ZNF536: variants seen among roughly 807,000 people sequenced by gnomAD.
ZNF536 encodes the protein zinc finger protein 536.
Under a neutral mutation model 84.5 loss-of-function variants are expected in ZNF536, and 13 were observed. That is an observed-to-expected ratio of 0.15 (90% CI 0.10 to 0.24). The LOEUF is 0.24. Among genes scored for constraint, ZNF536 ranks in the 10% least tolerant of loss-of-function variants. The pLI is 1.00. For missense variants in ZNF536, 1,536 were observed against 1,747.5 expected (o/e 0.88, Z 2.16); for synonymous variants, 811 against 742.5 (o/e 1.09, Z -1.50).
chr19:30,279,226 C>G (rs1056255146), intron 1 of ZNF536, among the ~76,000 whole-genome samples: 3 of 152,226 alleles, frequency 2.0e-5, no homozygotes, highest in African/African-American at 7.2e-5. Flanking sequence ...TTGTTATTTG[C>G]TGGCATATTT....
rs1479767837 is a variant in ZNF536 at position 30,443,616 on chromosome 19, G to A, written c.54G>A (p.Glu18=). The stretch of plus-strand genomic sequence containing the variant: ...TGTCTTCGGCGGAGCCGGAAGCTGA[G>A]CCCCACCTGAGTGGCCCCGTCCTCA... ...LGVSSAEPEA[E]PHLSGPVLNG... The change falls in exon 2 of 5, where the codon GAG becomes GAA. Residue 18 remains glutamate, a synonymous_variant. Coordinates refer to ENST00000355537, the MANE Select transcript of ZNF536 (RefSeq NM_014717.3). 5 of 1,599,534 alleles carry A rather than the reference G, an allele frequency of 3.1e-6. No homozygotes were observed. The East Asian group carries it at 8.9e-5, about 29-fold the overall frequency.
rs539306887 is a variant in ZNF536, at chr19:30,338,360, C to T, written c.-119-14008C>T. On this transcript the variant is annotated intron_variant, in intron 2 of 5. Coordinates refer to the ZNF536 transcript ENST00000585628. ...TTGATAGTAATGATGGTGGTGATGGCGATGATGGTGATAATAATGGTGGTG... is the reference window on the plus strand; with the variant it reads ...TTGATAGTAATGATGGTGGTGATGGTGATGATGGTGATAATAATGGTGGTG... Among the ~76,000 whole-genome samples the T allele has an allele frequency of 9.3e-5, 13 of 139,692 alleles. No individual in the cohort carries two copies. In the East Asian group the frequency reaches 1.3e-3, roughly 14 times the overall value. The allele number at this position is 139,692 out of a possible 152,430, so 91.6% of individuals were successfully genotyped here.
chr19:30,684,851 C>T (rs1040715293), intron 1 of ZNF536, among the ~76,000 whole-genome samples: 7 of 152,188 alleles, frequency 4.6e-5, no homozygotes, highest in African/African-American at 1.7e-4. Flanking sequence ...CAGCCAAGGG[C>T]CCTTACCAAG....
At chr19:30,429,532 C>T (rs1169028338) in intron 1 of ZNF536, among the ~76,000 whole-genome samples, 1 of 152,138 alleles carries the variant, frequency 6.6e-6, no homozygotes, top group African/African-American at 2.4e-5. Context: ...CTCCTCTGCA[C>T]CAGGCACTAA....
At chr19:30,589,708 G>A (rs1405173058) in intron 1 of ZNF536, among the ~76,000 whole-genome samples, 1 of 152,162 alleles carries the variant, frequency 6.6e-6, no homozygotes, top group Admixed American at 6.5e-5. Flanking sequence ...GCTGGGCTTA[G>A]AGTCCACCCA....
At chr19:30,404,817 C>T (rs921361667) in intron 1 of ZNF536, among the ~76,000 whole-genome samples, 2 of 152,164 alleles carry the variant, frequency 1.3e-5, no homozygotes, top group African/African-American at 4.8e-5. Flanking sequence ...CCAGAGATCC[C>T]ACAGGTTGCG....
chr19:30,516,308 C>T (rs2145619784), intron 2 of ZNF536, among the ~76,000 whole-genome samples: 1 of 152,180 alleles, frequency 6.6e-6, no homozygotes, highest in East Asian at 1.9e-4. Context: ...TCTCCCTGCA[C>T]GGACCAGCCG....
chr19:30,384,748 C>A (rs901712572), intron 1 of ZNF536, among the ~76,000 whole-genome samples: 4 of 152,098 alleles, frequency 2.6e-5, no homozygotes, highest in Non-Finnish European at 5.9e-5. Flanking sequence ...TGTGTTCAGC[C>A]AGGCATGGTG....
At chr19:30,534,698 A>G (rs1047824718) in intron 2 of ZNF536, 149 bp from the exon 3 acceptor site, 2 of 818,922 alleles carry the variant, frequency 2.4e-6, no homozygotes, top group Admixed American at 5.8e-5. Flanking sequence ...AAGAAAATAC[A>G]TGAATTGTCA....
chr19:30,454,020 T>G (rs1358703701), intron 2 of ZNF536, among the ~76,000 whole-genome samples: 1 of 152,266 alleles, frequency 6.6e-6, no homozygotes, highest in Non-Finnish European at 1.5e-5. Flanking sequence ...GCCAGGAGGC[T>G]GCCTCCAATG....
chr19:30,261,167 G>A (rs937639392), intron 1 of ZNF536, among the ~76,000 whole-genome samples: 17 of 149,970 alleles, frequency 1.1e-4, no homozygotes, highest in Admixed American at 8.6e-4. Context: ...GCGTAGTGGC[G>A]GGCGCCTGTA....
chr19:30,485,397 T>C (rs1663551534), intron 2 of ZNF536, among the ~76,000 whole-genome samples: 1 of 152,110 alleles, frequency 6.6e-6, no homozygotes, highest in Non-Finnish European at 1.5e-5. Context: ...CACAATCAAT[T>C]TTAGAACATT....
chr19:30,362,529 G>T (rs1002952531), intron 3 of ZNF536, among the ~76,000 whole-genome samples: 1 of 152,172 alleles, frequency 6.6e-6, no homozygotes, highest in Non-Finnish European at 1.5e-5. Flanking sequence ...GCCTGTGGAA[G>T]GAAGTCGTGC....
intron 2 of ZNF536, among the ~76,000 whole-genome samples, chr19:30,296,495 C>T (rs2046000550): frequency 6.6e-6 from 1 of 152,172 alleles, no homozygotes; most frequent in South Asian, 2.1e-4. Flanking sequence ...TTTTGTATGG[C>T]TCTTGACAGT....
chr19:30,404,750 C>T lies in ZNF536; in HGVS notation c.-3+32194C>T, dbSNP rs183954273. On this transcript the variant is annotated intron_variant, in intron 1 of 4. Coordinates refer to ENST00000355537, the MANE Select transcript of ZNF536 (RefSeq NM_014717.3). ...GTCCGGAGGCGGGGGGGCTCCTCAA[C>T]ACACCCAGCAGTGGACACCAGCTGG... 2.4e-3 allele frequency among the ~76,000 whole-genome samples: 365 copies of T among 152,196 alleles called. 1 individual carries two copies. Among genetic ancestry groups the T allele is most frequent in the Non-Finnish European group, 3.2e-3 (218 of 68,012 alleles).
chr19:30,498,984 T>C (rs959172392), intron 2 of ZNF536, among the ~76,000 whole-genome samples: 2 of 152,034 alleles, frequency 1.3e-5, no homozygotes, highest in Non-Finnish European at 2.9e-5. Flanking sequence ...GTGCCAAGAA[T>C]AAAAATAAGC....
At chr19:30,322,228 T>C (rs552399773) in intron 2 of ZNF536, among the ~76,000 whole-genome samples, 1 of 152,370 alleles carries the variant, frequency 6.6e-6, no homozygotes, top group East Asian at 1.9e-4. Context: ...CCGTTTTTCA[T>C]TGAATAGATG....
chr19:30,285,307 T>A (rs951080749), intron 2 of ZNF536, among the ~76,000 whole-genome samples: 4 of 152,356 alleles, frequency 2.6e-5, no homozygotes, highest in African/African-American at 9.6e-5. Context: ...ATCCTGGGCA[T>A]GTGACTGGGC....
intron 2 of ZNF536, among the ~76,000 whole-genome samples, chr19:30,330,005 G>A (rs2047158097): frequency 6.6e-6 from 1 of 152,182 alleles, no homozygotes. Flanking sequence ...TGATTTAAAT[G>A]AGATGCTGTA....
Sources: allele counts gnomAD v4.1 joint callset (sites outside exome capture counted in the v4.1 genomes callset), GRCh38; gene constraint gnomAD v4.1.1; transcripts MANE v1.5; gene names NCBI Gene and HGNC (gene_info 2026-07-23, HGNC 2026-07-21).